Variants in TMEM114 observed in about 807,000 individuals in gnomAD.
The protein encoded by TMEM114 is transmembrane protein 114.
In TMEM114, 6 loss-of-function variants were observed where a neutral mutation model predicts 6.2. That is an observed-to-expected ratio of 0.97 (90% CI 0.53 to 1.91). TMEM114 has a LOEUF of 1.91. TMEM114 is among the 40% of genes most tolerant of loss of function. The pLI is 0.01. For synonymous variants in TMEM114, 104 were observed against 73.0 expected (o/e 1.42, Z -2.16); for missense variants, 218 against 158.3 (o/e 1.38, Z -2.02).
At chr16:8,529,359 T>A in the TMEM114 span, among the ~76,000 whole-genome samples, 2 of 152,130 alleles carry the variant, frequency 1.3e-5, no homozygotes, top group Non-Finnish European at 2.9e-5. Context: ...ACCTCTCTCA[T>A]GTGCAGTTAA....
chr16:8,590,014 C>T lies in TMEM114; in HGVS notation c.-176G>A, dbSNP rs1902435647. ...CCGGGCCCTAGCTTAGACCCTGGCT[C>T]CTCACCTGCCGGCTCCGACCTGCAC... On this transcript the variant is annotated 5_prime_UTR_variant, in exon 1 of 4. Coordinates refer to ENST00000620492, the MANE Select transcript of TMEM114 (RefSeq NM_001146336.2). 2.6e-6 allele frequency: 1 copy of T among 381,956 alleles called. No individual in the cohort carries two copies. The highest frequency in any genetic ancestry group is 4.6e-6 in the Non-Finnish European group (1 of 215,930). 23.7% of individuals were successfully genotyped at this position (381,956 alleles called of 1,614,324 possible).
intron 2 of TMEM114, among the ~76,000 whole-genome samples, chr16:8,561,560 C>G (rs145158209): frequency 3.3e-5 from 5 of 152,342 alleles, no homozygotes; most frequent in Admixed American, 1.3e-4. Flanking sequence ...CCTGGCACAT[C>G]AGGCATCAAA....
chr16:8,574,281 A>G (rs1421450970), intron 2 of TMEM114, among the ~76,000 whole-genome samples: 1 of 152,210 alleles, frequency 6.6e-6, no homozygotes, highest in Non-Finnish European at 1.5e-5. Context: ...AATACTTGTA[A>G]AGATCATTGG....
chr16:8,545,501 G>C (rs1159227687), intron 2 of TMEM114, among the ~76,000 whole-genome samples: 1 of 152,130 alleles, frequency 6.6e-6, no homozygotes, highest in African/African-American at 2.4e-5. Flanking sequence ...TTGCTATCAA[G>C]TTACATTTTG....
chr16:8,556,820 G>C (rs561330657), intron 2 of TMEM114, among the ~76,000 whole-genome samples: 2 of 152,284 alleles, frequency 1.3e-5, no homozygotes, highest in African/African-American at 2.4e-5. Flanking sequence ...ACTTTAAAAT[G>C]ATTGAAATGT....
At chr16:8,564,342 T>G (rs1042590956) in intron 2 of TMEM114, among the ~76,000 whole-genome samples, 1 of 139,580 alleles carries the variant, frequency 7.2e-6, no homozygotes, top group African/African-American at 2.6e-5. Flanking sequence ...AATGAGTCAG[T>G]GAGAGAATGA....
At chr16:8,564,805 G>T (rs1244611738), downstream of TMEM114, among the ~76,000 whole-genome samples, 2 of 143,196 alleles carry the variant, frequency 1.4e-5, no homozygotes, top group Non-Finnish European at 3.1e-5. Context: ...GAGTAAATGA[G>T]TGAGTGAATG....
downstream of TMEM114, among the ~76,000 whole-genome samples, chr16:8,565,183 A>C (rs943978378): frequency 6.6e-6 from 1 of 152,284 alleles, no homozygotes. Flanking sequence ...GGATGAGTGA[A>C]TTGATTAATG....
At chr16:8,574,294 A>G (rs989963968) in intron 2 of TMEM114, among the ~76,000 whole-genome samples, 1 of 152,238 alleles carries the variant, frequency 6.6e-6, no homozygotes, top group Non-Finnish European at 1.5e-5. Context: ...ATCATTGGGC[A>G]ACACGGGGCA....
chr16:8,569,556 C>A lies in TMEM114; in HGVS notation c.*217G>T. 2.1e-6 allele frequency: 3 copies of A among 1,414,764 alleles called. No homozygotes were observed. Among genetic ancestry groups the A allele is most frequent in the Non-Finnish European group, 2.8e-6 (3 of 1,087,580 alleles). The allele number at this position is 1,414,764 out of a possible 1,614,324, so 87.6% of individuals were successfully genotyped here. On this transcript the variant is annotated 3_prime_UTR_variant, in exon 4 of 4. Coordinates refer to ENST00000620492, the MANE Select transcript of TMEM114 (RefSeq NM_001146336.2). ...AAGCGGTTTGGCACTCCCTCGGGCT[C>A]CTCCAGGCCACACGGACACACACGG...
At chr16:8,536,464 G>A (rs752083844), downstream of TMEM114, among the ~76,000 whole-genome samples, 7 of 151,970 alleles carry the variant, frequency 4.6e-5, no homozygotes, top group Non-Finnish European at 8.8e-5. Flanking sequence ...TTGTAACCTC[G>A]GTATCTCAAC....
intron 2 of TMEM114, among the ~76,000 whole-genome samples, chr16:8,551,898 A>G (rs1360785533): frequency 6.6e-6 from 1 of 152,260 alleles, no homozygotes; most frequent in Non-Finnish European, 1.5e-5. Flanking sequence ...ACCATGGAAT[A>G]CTACTCAGCA....
At chr16:8,551,001 C>T (rs1015178961) in intron 2 of TMEM114, among the ~76,000 whole-genome samples, 1 of 152,186 alleles carries the variant, frequency 6.6e-6, no homozygotes, top group Non-Finnish European at 1.5e-5. Flanking sequence ...ATGGTTCTAA[C>T]CCTAAACGAG....
chr16:8,569,434 G>A (rs951590909), downstream of TMEM114: 25 of 1,136,828 alleles, frequency 2.2e-5, no homozygotes, highest in South Asian at 8.2e-5. Flanking sequence ...TGATCCAAGG[G>A]ACATGGGTGA....
At chr16:8,532,941 TAAAG>T (rs1407592419), downstream of TMEM114, among the ~76,000 whole-genome samples, 1 of 151,850 alleles carries the variant, frequency 6.6e-6, no homozygotes, top group Non-Finnish European at 1.5e-5. Flanking sequence ...GGAAAAAAAA[TAAAG>T]AAAAGAAATA....
At chr16:8,529,527 C>T in the TMEM114 span, among the ~76,000 whole-genome samples, 1 of 152,118 alleles carries the variant, frequency 6.6e-6, no homozygotes. Flanking sequence ...GCATCAGTGT[C>T]ATCTGGGTTG....
chr16:8,574,915 C>G (rs1450276540), intron 2 of TMEM114, among the ~76,000 whole-genome samples: 1 of 152,100 alleles, frequency 6.6e-6, no homozygotes, highest in Non-Finnish European at 1.5e-5. Flanking sequence ...TGTGTGTGCC[C>G]TATTCTTTGC....
chr16:8,545,537 T>C (rs1900639513), intron 2 of TMEM114, among the ~76,000 whole-genome samples: 1 of 152,234 alleles, frequency 6.6e-6, no homozygotes, highest in Non-Finnish European at 1.5e-5. Context: ...TTTGTGGTCC[T>C]TAAATATTCA....
intron 2 of TMEM114, among the ~76,000 whole-genome samples, chr16:8,558,041 G>A (rs1014082242): frequency 2.6e-5 from 4 of 152,048 alleles, no homozygotes; most frequent in African/African-American, 7.2e-5. Context: ...ATCACCTGAT[G>A]TCAGGAGCTC....
Sources: gnomAD v4.1 joint callset for allele counts (sites outside exome capture counted in the v4.1 genomes callset) on GRCh38, gnomAD v4.1.1 for gene constraint, MANE v1.5 for transcripts, NCBI Gene and HGNC (gene_info 2026-07-23, HGNC 2026-07-21) for gene names.